Variants in ARHGAP39 observed in about 807,000 individuals in gnomAD.
ARHGAP39 encodes the protein rho GTPase-activating protein 39.
Under a neutral mutation model 106.9 loss-of-function variants are expected in ARHGAP39, and 44 were observed. The ratio of observed to expected loss-of-function variants is 0.41; its 90% CI spans 0.32 to 0.53. ARHGAP39 has a LOEUF of 0.53. ARHGAP39 is among the 20% of genes least tolerant of loss of function. The probability of loss-of-function intolerance (pLI) is 0.21; values close to 1 mark genes in which losing one functional copy is unlikely to be tolerated. For synonymous variants in ARHGAP39, 768 were observed against 693.2 expected (o/e 1.11, Z -1.69); for missense variants, 1,496 against 1,577.3 (o/e 0.95, Z 0.87).
chr8:144,549,072 A>G (rs1333260040), intron 4 of ARHGAP39, among the ~76,000 whole-genome samples: 1 of 152,248 alleles, frequency 6.6e-6, no homozygotes, highest in East Asian at 1.9e-4. Context: ...CAAGGGCACC[A>G]GAGTCCCCGG....
chr8:144,628,983 C>T (rs1820994973), intron 1 of ARHGAP39, among the ~76,000 whole-genome samples: 1 of 152,218 alleles, frequency 6.6e-6, no homozygotes, highest in Non-Finnish European at 1.5e-5. Context: ...GGATGCATCT[C>T]CCACCACCAA....
chr8:144,571,302 C>T (rs1052566907), intron 3 of ARHGAP39, among the ~76,000 whole-genome samples: 1 of 152,210 alleles, frequency 6.6e-6, no homozygotes, highest in Admixed American at 6.5e-5. Context: ...TCAGCTTCAT[C>T]CCTGGGATGC....
At chr8:144,530,658 G>A (rs1442061523) in intron 11 of ARHGAP39, 42 bp from the exon 12 acceptor site, 2 of 1,500,248 alleles carry the variant, frequency 1.3e-6, no homozygotes, top group Non-Finnish European at 1.8e-6. Flanking sequence ...GCGGGGGCGG[G>A]GCGGGGAGGG....
intron 1 of ARHGAP39, among the ~76,000 whole-genome samples, chr8:144,678,431 G>A (rs112619074): frequency 4.8e-4 from 73 of 152,196 alleles, no homozygotes; most frequent in Admixed American, 7.2e-4. Context: ...TCCAGGAGGC[G>A]CTCCCACAGA....
chr8:144,535,528 G>A (rs1037548463), intron 7 of ARHGAP39, among the ~76,000 whole-genome samples: 1 of 152,234 alleles, frequency 6.6e-6, no homozygotes, highest in African/African-American at 2.4e-5. Context: ...GCCTCAAGAA[G>A]GCAAGGAGGG....
chr8:144,680,023 T>G (rs988384440), intron 1 of ARHGAP39, among the ~76,000 whole-genome samples: 10 of 152,156 alleles, frequency 6.6e-5, no homozygotes, highest in African/African-American at 2.4e-4. Context: ...TAACTGGAAT[T>G]CAAAGACCTT....
chr8:144,603,938 T>TGCACCAAGCCAGTGAAGAGCAAGC (rs1273922769), intron 2 of ARHGAP39, among the ~76,000 whole-genome samples: 83 of 152,294 alleles, frequency 5.4e-4, no homozygotes, highest in Non-Finnish European at 1.0e-3. Flanking sequence ...TGGGCGCTTA[T>TGCACCAAGCCAGTGAAGAGCAAGC]GCACCAAGCC....
At chr8:144,627,489 A>G (rs2130974088) in intron 1 of ARHGAP39, among the ~76,000 whole-genome samples, 1 of 143,066 alleles carries the variant, frequency 7.0e-6, no homozygotes, top group South Asian at 2.2e-4. Flanking sequence ...TGGGAGGCGG[A>G]GCTTGCAGTG....
At chr8:144,609,858 T>C (rs1388222866) in intron 1 of ARHGAP39, among the ~76,000 whole-genome samples, 1 of 152,212 alleles carries the variant, frequency 6.6e-6, no homozygotes, top group Non-Finnish European at 1.5e-5. Flanking sequence ...TGAGAAGTAT[T>C]CCCTCCTCTC....
chr8:144,575,621 G>A (rs1460502325), intron 3 of ARHGAP39, among the ~76,000 whole-genome samples: 1 of 152,016 alleles, frequency 6.6e-6, no homozygotes, highest in Non-Finnish European at 1.5e-5. Flanking sequence ...AGACAACAGC[G>A]CCGCCTTCTG....
At chr8:144,575,357 T>C (rs1818733257) in intron 3 of ARHGAP39, among the ~76,000 whole-genome samples, 1 of 152,254 alleles carries the variant, frequency 6.6e-6, no homozygotes, top group Non-Finnish European at 1.5e-5. Context: ...TTCTTTAAAC[T>C]TTTTGAGTCT....
intron 1 of ARHGAP39, among the ~76,000 whole-genome samples, chr8:144,676,390 G>C (rs1822239574): frequency 6.6e-6 from 1 of 151,672 alleles, no homozygotes; most frequent in African/African-American, 2.4e-5. Flanking sequence ...ACTGATTGGT[G>C]CGTTTACAAA....
intron 7 of ARHGAP39, 91 bp from the exon 8 acceptor site, chr8:144,534,293 C>CT (rs1816864105): frequency 6.9e-7 from 1 of 1,452,126 alleles, no homozygotes; most frequent in Non-Finnish European, 9.6e-7. Flanking sequence ...TTCGAGGGCC[C>CT]TGGGGGGCTG....
upstream of ARHGAP39, among the ~76,000 whole-genome samples, chr8:144,686,654 C>T (rs1269386094): frequency 6.6e-6 from 1 of 152,210 alleles, no homozygotes; most frequent in Non-Finnish European, 1.5e-5. Flanking sequence ...TCTCCCGCCT[C>T]AGGAGATCTC....
At position 144,545,404 on chromosome 8, in the gene ARHGAP39, C is replaced by CCATT; in HGVS notation, c.2365_2366insAATG (p.Cys789Ter). On this transcript the variant is annotated stop_gained and frameshift_variant, in exon 6 of 12. Coordinates refer to ENST00000377307, the MANE Select transcript of ARHGAP39 (RefSeq NM_025251.3). LOFTEE classifies it high-confidence loss of function. Reference sequence around the variant, plus strand: ...GCGGAAGTTCTCGGTGGTCTGCCGGCACAGCTGGATGTAGAGCTCGTCCCG... The same window carrying CCATT: ...GCGGAAGTTCTCGGTGGTCTGCCGGCCATTACAGCTGGATGTAGAGCTCGTCCCG... 1 of 1,439,120 alleles carries CCATT rather than the reference C, an allele frequency of 6.9e-7. No homozygotes were observed. 89.1% of individuals were successfully genotyped at this position (1,439,120 alleles called of 1,614,324 possible).
intron 1 of ARHGAP39, among the ~76,000 whole-genome samples, chr8:144,648,911 C>T (rs1821509001): frequency 6.6e-6 from 1 of 152,026 alleles, no homozygotes; most frequent in East Asian, 1.9e-4. Context: ...AGACAGACCT[C>T]AAATTAACAA....
chr8:144,552,430 G>A (rs370522195), intron 4 of ARHGAP39, among the ~76,000 whole-genome samples: 5 of 152,250 alleles, frequency 3.3e-5, no homozygotes, highest in Non-Finnish European at 4.4e-5. Context: ...GCAGGTTTCC[G>A]AGGAAAACGC....
At position 144,645,038 on chromosome 8, in the gene ARHGAP39, T is replaced by A. The variant is rs935009138; in HGVS notation, c.-81-39343A>T. 2.0e-5 allele frequency among the ~76,000 whole-genome samples: 3 copies of A among 152,168 alleles called. No homozygotes were observed. The highest frequency in any genetic ancestry group is 4.4e-5 in the Non-Finnish European group (3 of 68,040). On this transcript the variant is annotated intron_variant, in intron 1 of 11. Coordinates refer to ENST00000377307, the MANE Select transcript of ARHGAP39 (RefSeq NM_025251.3). The surrounding 1 kb of genome is among the most constrained non-coding windows in gnomAD (Gnocchi z 4.4). ...GCTGGGCCACGGCAGAGAGCACATG[T>A]CAACCGCAGTCCCCGTGTTATCCAG...
rs894877341 is a variant in ARHGAP39 at position 144,532,693 on chromosome 8, TGCAA to T, written c.2889-301_2889-298del. ...ACCAAAGGGCCACTGGGGCTCAACC[TGCAA>T]GCCTCAGTTTCCCCAGCTGCCCTCC... On this transcript the variant is annotated intron_variant, in intron 9 of 11. Transcript: ENST00000377307. 1.6e-3 allele frequency among the ~76,000 whole-genome samples: 244 copies of T among 152,306 alleles called. 2 individuals carry two copies. Among genetic ancestry groups the T allele is most frequent in the African/African-American group, 5.3e-3 (222 of 41,560 alleles).
Sources: gnomAD v4.1 joint callset for allele counts (sites outside exome capture counted in the v4.1 genomes callset) on GRCh38, gnomAD v4.1.1 for gene constraint, Gnocchi (gnomAD v3.1) non-coding constraint, MANE v1.5 for transcripts, NCBI Gene and HGNC (gene_info 2026-07-23, HGNC 2026-07-21) for gene names.